The following ZIM2 variants were observed in gnomAD, a reference collection of about 807,000 sequenced individuals.
The protein encoded by ZIM2 is zinc finger imprinted 2.
ZIM2 carries 14 observed loss-of-function variants against 38.6 expected under a neutral mutation model. The observed-to-expected ratio is 0.36, with a 90% confidence interval of 0.24 to 0.57. The LOEUF (loss-of-function observed/expected upper bound fraction) is 0.57. ZIM2 is among the 20% of genes least tolerant of loss of function. ZIM2 has a pLI of 0.81. For missense variants in ZIM2, 680 were observed against 695.1 expected (o/e 0.98, Z 0.24); for synonymous variants, 247 against 245.8 (o/e 1.00, Z -0.04).
At chr19:56,810,911 A>G in intron 9 of ZIM2, 1 of 963,654 alleles carries the variant, frequency 1.0e-6, no homozygotes, top group Non-Finnish European at 1.2e-6. Flanking sequence ...ATACACTGTT[A>G]TCAGGACATT....
chr19:56,820,972 C>A (rs952694040), intron 7 of ZIM2, among the ~76,000 whole-genome samples: 1 of 152,206 alleles, frequency 6.6e-6, no homozygotes, highest in African/African-American at 2.4e-5. Context: ...ATAAGTGACC[C>A]CTCTCCTCCT....
chr19:56,814,880 C>T lies in ZIM2; in HGVS notation c.490+2866G>A, dbSNP rs1206898502. The T allele has an allele frequency of 2.5e-6, 4 of 1,614,034 alleles. No individual in the cohort carries two copies. In the African/African-American group the frequency reaches 5.3e-5, roughly 22 times the overall value. On this transcript the variant is annotated intron_variant, in intron 9 of 12. Coordinates refer to ENST00000629319, the MANE Select transcript of ZIM2 (RefSeq NM_001387356.1). This position sits in a 1 kb window ranked among gnomAD's most constrained non-coding sequence, Gnocchi z 5.8. ...CACCCCTTCATGGAATACAACTGGT[C>T]TTGTTCATGGATTCTCTGATGCTCG...
At chr19:56,833,068 T>G in intron 2 of ZIM2, 1 of 463,794 alleles carries the variant, frequency 2.2e-6, no homozygotes, top group Non-Finnish European at 4.3e-6. Context: ...AGTGTTCAAC[T>G]GAGCAGGGAA....
intron 2 of ZIM2, among the ~76,000 whole-genome samples, chr19:56,834,371 C>T (rs1391635560): frequency 2.0e-5 from 3 of 152,108 alleles, no homozygotes; most frequent in Admixed American, 6.5e-5. Context: ...GACAAACCAG[C>T]GCTATTAAAG....
chr19:56,812,805 A>C, intron 9 of ZIM2: 1 of 954,946 alleles, frequency 1.0e-6, no homozygotes, highest in Non-Finnish European at 1.2e-6. Flanking sequence ...CATCAAACAC[A>C]TATTGAGTTG....
chr19:56,822,423 G>A (rs1324033542), intron 6 of ZIM2: 6 of 258,282 alleles, frequency 2.3e-5, no homozygotes, highest in African/African-American at 4.5e-5. Context: ...TTTCATTCTC[G>A]CCTTCTGCCT....
chr19:56,797,317 CAAAT>C (rs924207662), intron 9 of ZIM2, among the ~76,000 whole-genome samples: 7 of 150,006 alleles, frequency 4.7e-5, no homozygotes, highest in African/African-American at 1.5e-4. Context: ...AATAAATAAA[CAAAT>C]AAATAAATAA....
chr19:56,815,986 C>G (rs534325340), intron 9 of ZIM2: 2 of 1,584,310 alleles, frequency 1.3e-6, no homozygotes, highest in Non-Finnish European at 1.7e-6. Context: ...CCCTCCAGCA[C>G]GAACTCTCTG....
intron 9 of ZIM2, among the ~76,000 whole-genome samples, chr19:56,802,484 G>A (rs1049566463): frequency 2.0e-5 from 3 of 152,134 alleles, no homozygotes; most frequent in East Asian, 1.9e-4. Context: ...CCTATCCTCC[G>A]TGTTAAGAAA....
At chr19:56,793,168 T>C (rs1411746065) in intron 9 of ZIM2, 2 of 152,680 alleles carry the variant, frequency 1.3e-5, no homozygotes, top group African/African-American at 4.8e-5. Flanking sequence ...GATCTCTGGC[T>C]GCAGCCATTG....
intron 9 of ZIM2, chr19:56,813,097 T>C (rs1232645761): frequency 1.5e-5 from 15 of 984,788 alleles, no homozygotes; most frequent in Non-Finnish European, 1.8e-5. Flanking sequence ...AACAAAACAA[T>C]TACTCAAAAA....
Position 56,834,037 on chromosome 19 carries a change from T to G in ZIM2, c.-227+1981A>C, listed in dbSNP as rs144766340. ...AAGAGAGGAAATAATATCTAAGAGT[T>G]CAGTCTTATGACCAGCACAAAATGG... is the stretch of plus-strand genomic sequence containing the variant. On this transcript the variant is annotated intron_variant, in intron 2 of 12. Coordinates refer to ENST00000629319, the MANE Select transcript of ZIM2 (RefSeq NM_001387356.1). Among the ~76,000 whole-genome samples, 382 of 152,354 alleles carry G rather than the reference T, an allele frequency of 2.5e-3. 2 individuals carry two copies. Among genetic ancestry groups the G allele is most frequent in the South Asian group, 0.012 (56 of 4,828 alleles).
chr19:56,831,086 GGA>G (rs2061528807), intron 2 of ZIM2, among the ~76,000 whole-genome samples: 1 of 152,088 alleles, frequency 6.6e-6, no homozygotes, highest in South Asian at 2.1e-4. Flanking sequence ...CAGTTCTTCT[GGA>G]AGAATAAATG....
intron 1 of ZIM2, among the ~76,000 whole-genome samples, chr19:56,839,366 G>A (rs1332367523): frequency 2.0e-5 from 3 of 149,774 alleles, no homozygotes; most frequent in African/African-American, 7.4e-5. Flanking sequence ...AACCAACCAG[G>A]GCAGCACCTG....
chr19:56,836,430 C>G (rs1229184396), intron 1 of ZIM2, among the ~76,000 whole-genome samples: 1 of 152,150 alleles, frequency 6.6e-6, no homozygotes, highest in Non-Finnish European at 1.5e-5. Context: ...CTGGCCGTCC[C>G]CATGTTAGGA....
At chr19:56,809,450 T>G (rs2047949100) in intron 9 of ZIM2, among the ~76,000 whole-genome samples, 1 of 152,194 alleles carries the variant, frequency 6.6e-6, no homozygotes, top group Non-Finnish European at 1.5e-5. Context: ...TTGGGTATGG[T>G]GCTATCCACT....
chr19:56,789,206 T>C (rs138008419), intron 10 of ZIM2, among the ~76,000 whole-genome samples: 1 of 152,224 alleles, frequency 6.6e-6, no homozygotes, highest in Non-Finnish European at 1.5e-5. Flanking sequence ...AAATTCAAAC[T>C]TCATAGTTAT....
intron 2 of ZIM2, among the ~76,000 whole-genome samples, chr19:56,831,304 A>C (rs1211616215): frequency 6.6e-6 from 1 of 152,226 alleles, no homozygotes; most frequent in African/African-American, 2.4e-5. Context: ...ATTTATAATA[A>C]AGGACTGGAA....
rs886443829 is a variant in ZIM2, at chr19:56,835,537, T to A, written c.-227+481A>T. 2.0e-5 allele frequency among the ~76,000 whole-genome samples: 3 copies of A among 151,902 alleles called. No individual in the cohort carries two copies. The East Asian group carries it at 5.8e-4, about 29-fold the overall frequency. Reference sequence around the variant, plus strand: ...ATCTCAGGGAGGCCCCTATGTGGCCTCTCTAAGATTAAGTCAGCTGTTGCT... The same window carrying A: ...ATCTCAGGGAGGCCCCTATGTGGCCACTCTAAGATTAAGTCAGCTGTTGCT... On this transcript the variant is annotated intron_variant, in intron 2 of 12. Coordinates refer to ENST00000629319, the MANE Select transcript of ZIM2 (RefSeq NM_001387356.1).
Sources: allele counts gnomAD v4.1 joint callset (sites outside exome capture counted in the v4.1 genomes callset), GRCh38; gene constraint gnomAD v4.1.1; non-coding constraint Gnocchi (gnomAD v3.1); transcripts MANE v1.5; gene names NCBI Gene and HGNC (gene_info 2026-07-23, HGNC 2026-07-21).